The following CHST8 variants were observed in gnomAD, a reference collection of about 807,000 sequenced individuals.
CHST8 encodes GALNAC-4-ST1.
Under a neutral mutation model 15.0 loss-of-function variants are expected in CHST8, and 10 were observed. The ratio of observed to expected loss-of-function variants is 0.67; its 90% CI spans 0.41 to 1.13. The LOEUF is 1.13. Among genes scored for constraint, CHST8 ranks in the 50% most tolerant of loss-of-function variants. CHST8 has a pLI of 0.00. For missense variants in CHST8, 634 were observed against 608.2 expected (o/e 1.04, Z -0.45); for synonymous variants, 259 against 256.6 (o/e 1.01, Z -0.09).
chr19:33,634,562 T>C (rs1972166107), intron 1 of CHST8, among the ~76,000 whole-genome samples: 2 of 148,908 alleles, frequency 1.3e-5, no homozygotes. Flanking sequence ...CAGAATCACG[T>C]GGGTTGCTGG....
rs1972744871 is a variant in CHST8, at chr19:33,672,048, C to CAT, written c.-87+4213_-87+4214dup. On this transcript the variant is annotated intron_variant, in intron 2 of 4. Transcript: ENST00000650847. ...GTATGTATGTATATATATGTGTGTG[C>CAT]ATATATATACACATAAATATATTCT... Among the ~76,000 whole-genome samples the CAT allele has an allele frequency of 4.0e-5, 6 of 151,760 alleles. No homozygotes were observed. The South Asian group carries it at 1.0e-3, about 26-fold the overall frequency.
At position 33,772,424 on chromosome 19, in the gene CHST8, G is replaced by T. The variant is rs1975012592; in HGVS notation, c.636G>T (p.Leu212=). Residue 212 remains leucine (L), a synonymous_variant, in exon 5 of 5, where the codon CTG becomes CTT. Transcript: ENST00000650847. ...ATTGGAAGCGGGTGCTCATGGTGCTGGCCGGCCTGGCCTCGTCCACTGCCG... is the reference window on the plus strand; with the variant it reads ...ATTGGAAGCGGGTGCTCATGGTGCTTGCCGGCCTGGCCTCGTCCACTGCCG... ...CSNWKRVLMV[L]AGLASSTADI... is the part of the protein sequence containing the mutation. 1.9e-6 allele frequency: 3 copies of T among 1,610,632 alleles called. No homozygotes were observed. In the South Asian group the frequency reaches 3.3e-5, roughly 18 times the overall value.
chr19:33,624,325 C>T (rs777681647), intron 1 of CHST8, among the ~76,000 whole-genome samples: 38 of 152,164 alleles, frequency 2.5e-4, no homozygotes, highest in Non-Finnish European at 4.9e-4. Context: ...AGAGCAGGCT[C>T]GTCTGACCTC....
At chr19:33,711,969 C>T (rs944609564) in intron 3 of CHST8, among the ~76,000 whole-genome samples, 1 of 152,130 alleles carries the variant, frequency 6.6e-6, no homozygotes, top group African/African-American at 2.4e-5. Flanking sequence ...CTAATTTTGC[C>T]AGTGTGTAAG....
At chr19:33,697,132 C>T (rs988726565) in intron 3 of CHST8, among the ~76,000 whole-genome samples, 2 of 151,960 alleles carry the variant, frequency 1.3e-5, no homozygotes, top group Admixed American at 1.3e-4. Context: ...CGGGAACCAC[C>T]TTGCCCAGCC....
chr19:33,748,413 C>A (rs1329493996), intron 3 of CHST8, among the ~76,000 whole-genome samples: 1 of 152,250 alleles, frequency 6.6e-6, no homozygotes, highest in African/African-American at 2.4e-5. Context: ...ACAGGGCTAC[C>A]CGCTCGTTGG....
At chr19:33,743,475 C>T (rs539846459) in intron 3 of CHST8, among the ~76,000 whole-genome samples, 4 of 151,650 alleles carry the variant, frequency 2.6e-5, no homozygotes, top group Admixed American at 2.6e-4. Flanking sequence ...CTAATTTTTT[C>T]TATTTTTAGT....
intron 2 of CHST8, among the ~76,000 whole-genome samples, chr19:33,687,563 G>C (rs974437423): frequency 1.3e-5 from 2 of 152,198 alleles, no homozygotes; most frequent in African/African-American, 4.8e-5. Flanking sequence ...CCAACTGCTC[G>C]GCACAGTCCA....
chr19:33,716,662 C>A (rs1349027401), intron 3 of CHST8, among the ~76,000 whole-genome samples: 3 of 152,196 alleles, frequency 2.0e-5, no homozygotes, highest in Non-Finnish European at 4.4e-5. Context: ...GCCACCACAC[C>A]CAGCCACCTG....
chr19:33,632,732 A>G (rs8102271), intron 1 of CHST8, among the ~76,000 whole-genome samples: 24,923 of 150,722 alleles, frequency 0.17, 2,232 homozygotes, highest in Non-Finnish European at 0.21. Context: ...TTCTAACGAT[A>G]TGGATTGGTT....
At chr19:33,649,951 G>A (rs1230665784) in intron 1 of CHST8, among the ~76,000 whole-genome samples, 2 of 152,352 alleles carry the variant, frequency 1.3e-5, no homozygotes, top group Admixed American at 6.5e-5. Context: ...GTGGCAGTTA[G>A]AGCATAGTTT....
intron 3 of CHST8, among the ~76,000 whole-genome samples, chr19:33,729,049 T>G (rs1238531739): frequency 6.6e-6 from 1 of 152,200 alleles, no homozygotes; most frequent in Non-Finnish European, 1.5e-5. Context: ...TGCTGGCTTC[T>G]AGCAGGCGTG....
chr19:33,756,875 A>G (rs1313309965), intron 3 of CHST8, among the ~76,000 whole-genome samples: 1 of 152,102 alleles, frequency 6.6e-6, no homozygotes, highest in African/African-American at 2.4e-5. Flanking sequence ...TCAGCACCCC[A>G]GGGCTCTGGA....
chr19:33,663,811 A>G (rs1478116922), intron 1 of CHST8, among the ~76,000 whole-genome samples: 14 of 152,134 alleles, frequency 9.2e-5, no homozygotes, highest in African/African-American at 3.1e-4. Flanking sequence ...TGGAGTTTGC[A>G]GTGAGCCGAG....
At chr19:33,669,214 C>T (rs1972702917) in intron 2 of CHST8, among the ~76,000 whole-genome samples, 1 of 152,198 alleles carries the variant, frequency 6.6e-6, no homozygotes, top group African/African-American at 2.4e-5. Flanking sequence ...GCCCCATCAC[C>T]CTTTGGCTAC....
chr19:33,769,164 G>A (rs1974914870), intron 3 of CHST8, among the ~76,000 whole-genome samples: 1 of 152,194 alleles, frequency 6.6e-6, no homozygotes, highest in Non-Finnish European at 1.5e-5. Context: ...ACTGCCCTCC[G>A]AGGCTGTGGG....
At chr19:33,763,022 T>C (rs1974768327) in intron 3 of CHST8, among the ~76,000 whole-genome samples, 2 of 152,042 alleles carry the variant, frequency 1.3e-5, no homozygotes, top group South Asian at 4.2e-4. Context: ...GCGCCCACCA[T>C]CATGCCTGGC....
chr19:33,688,581 T>A (rs963045603), intron 2 of CHST8, among the ~76,000 whole-genome samples: 22 of 152,114 alleles, frequency 1.4e-4, no homozygotes, highest in Non-Finnish European at 4.4e-5. Flanking sequence ...CGCCAACCCA[T>A]CTGTCAGTCC....
intron 3 of CHST8, among the ~76,000 whole-genome samples, chr19:33,729,639 G>C (rs76717429): frequency 0.037 from 5,572 of 152,280 alleles, 121 homozygotes; most frequent in South Asian, 0.057. Context: ...AACCATCATA[G>C]GTCCACTGGC....
Sources: gnomAD v4.1 joint callset for allele counts (sites outside exome capture counted in the v4.1 genomes callset) on GRCh38, gnomAD v4.1.1 for gene constraint, MANE v1.5 for transcripts, NCBI Gene and HGNC (gene_info 2026-07-23, HGNC 2026-07-21) for gene names.